The following POLQ variants were observed in gnomAD, a reference collection of about 807,000 sequenced individuals.
POLQ encodes DNA polymerase theta, also known as epididymis secretory sperm binding protein.
A neutral mutation model predicts 259.2 loss-of-function variants in POLQ; 233 were observed. That is an observed-to-expected ratio of 0.90 (90% CI 0.81 to 1.00). POLQ has a LOEUF of 1.00. Among genes scored for constraint, POLQ ranks in the 50% least tolerant of loss-of-function variants. The pLI, the probability that POLQ is intolerant of heterozygous loss-of-function variation, is 0.00. For synonymous variants in POLQ, 1,025 were observed against 1,048.8 expected (o/e 0.98, Z 0.44); for missense variants, 2,871 against 3,051.6 (o/e 0.94, Z 1.39).
intron 20 of POLQ, among the ~76,000 whole-genome samples, chr3:121,474,072 G>A (rs559601566): frequency 6.6e-6 from 1 of 152,274 alleles, no homozygotes; most frequent in South Asian, 2.1e-4. Context: ...ACACTGTGCT[G>A]AGCAACTGGC....
At chr3:121,498,265 G>A (rs1044070660) in intron 13 of POLQ, among the ~76,000 whole-genome samples, 2 of 151,736 alleles carry the variant, frequency 1.3e-5, no homozygotes, top group African/African-American at 4.8e-5. Context: ...AGCTGAGATC[G>A]CGCTATTGCA....
At chr3:121,507,838 G>A (rs1194391386) in intron 12 of POLQ, among the ~76,000 whole-genome samples, 3 of 151,962 alleles carry the variant, frequency 2.0e-5, no homozygotes, top group Admixed American at 6.6e-5. Context: ...AGAGCTTTCA[G>A]TTATCTCACT....
intron 21 of POLQ, among the ~76,000 whole-genome samples, chr3:121,472,611 A>T (rs1272800074): frequency 6.6e-6 from 1 of 152,188 alleles, no homozygotes; most frequent in Non-Finnish European, 1.5e-5. Context: ...TGAATTTTTC[A>T]TACTATAGAC....
chr3:121,533,885 A>G (rs1214384896), intron 5 of POLQ, among the ~76,000 whole-genome samples: 1 of 148,592 alleles, frequency 6.7e-6, no homozygotes, highest in Non-Finnish European at 1.5e-5. Context: ...CTTCATGTGT[A>G]TGAACCATGT....
chr3:121,540,896 A>ATTT (rs59706476), intron 3 of POLQ, among the ~76,000 whole-genome samples: 2 of 146,508 alleles, frequency 1.4e-5, no homozygotes, highest in Admixed American at 6.8e-5. Flanking sequence ...AATTTTTTTA[A>ATTT]TTTTTTTTTT....
At chr3:121,513,999 G>T (rs1270430472) in intron 9 of POLQ, among the ~76,000 whole-genome samples, 1 of 128,608 alleles carries the variant, frequency 7.8e-6, no homozygotes, top group Non-Finnish European at 1.6e-5. Context: ...TCCAGCCTGG[G>T]CAACAAGAGT....
chr3:121,481,873 T>C, intron 18 of POLQ, 61 bp from the exon 19 acceptor site: 1 of 1,444,866 alleles, frequency 6.9e-7, no homozygotes, highest in Non-Finnish European at 9.3e-7. Flanking sequence ...TATGTACCTC[T>C]AAATGAAAAG....
intron 1 of POLQ, 87 bp downstream of exon 1, chr3:121,545,628 C>T (rs2048526863): frequency 2.3e-6 from 3 of 1,300,846 alleles, no homozygotes; most frequent in Admixed American, 2.5e-5. Flanking sequence ...TGCAACGAAG[C>T]AAGTCCCGTG....
intron 27 of POLQ, 50 bp from the exon 28 acceptor site, chr3:121,436,325 C>A: frequency 6.3e-7 from 1 of 1,590,480 alleles, no homozygotes; most frequent in South Asian, 1.1e-5. Context: ...AACATGGTTT[C>A]ATACTTTCCT....
chr3:121,456,530 CAA>C lies in POLQ; in HGVS notation c.7152+3518_7152+3519del, dbSNP rs1332752475. Among the ~76,000 whole-genome samples, 21 of 152,166 alleles carry C rather than the reference CAA, an allele frequency of 1.4e-4. 1 individual carries two copies. Among genetic ancestry groups the C allele is most frequent in the Admixed American group, 1.4e-3 (21 of 15,272 alleles). Reference sequence around the variant, plus strand: ...TCCTTAAGCTCATGAGCAACTTCAGCAAAGTCTCAGGATACAAAATCAATGTA... The same window carrying C: ...TCCTTAAGCTCATGAGCAACTTCAGCAGTCTCAGGATACAAAATCAATGTA... On this transcript the variant is annotated intron_variant, in intron 25 of 29. Transcript: ENST00000264233.
chr3:121,455,953 C>T (rs1300212828), intron 25 of POLQ, among the ~76,000 whole-genome samples: 1 of 152,146 alleles, frequency 6.6e-6, no homozygotes, highest in Admixed American at 6.5e-5. Context: ...AGTCCAAAGT[C>T]CTTGATGAAC....
At chr3:121,499,992 A>G (rs886540124) in intron 12 of POLQ, among the ~76,000 whole-genome samples, 1 of 152,240 alleles carries the variant, frequency 6.6e-6, no homozygotes, top group Non-Finnish European at 1.5e-5. Flanking sequence ...TTAAAAGTAC[A>G]ATAACTGGCC....
Position 121,533,095 on chromosome 3 carries a change from G to C in POLQ, c.855C>G (p.Thr285=), listed in dbSNP as rs556803867. 1.9e-6 allele frequency: 3 copies of C among 1,613,702 alleles called. No individual in the cohort carries two copies. Among genetic ancestry groups the C allele is most frequent in the African/African-American group, 1.3e-5 (1 of 74,904 alleles). Residue 285 remains threonine (T), a synonymous_variant, in exon 6 of 30, where the codon ACC becomes ACG. Coordinates refer to ENST00000264233, the MANE Select transcript of POLQ (RefSeq NM_199420.4). ...CCAAAAGCGGTACAGGGCGAAAGTCGGTATGGTAGAGTTCAGCATTCAACC... is the reference window on the plus strand; with the variant it reads ...CCAAAAGCGGTACAGGGCGAAAGTCCGTATGGTAGAGTTCAGCATTCAACC... The part of the protein sequence containing the change: ...ASWLNAELYH[T]DFRPVPLLES...
chr3:121,445,181 T>G (rs183878186), intron 26 of POLQ, among the ~76,000 whole-genome samples: 1 of 152,310 alleles, frequency 6.6e-6, no homozygotes, highest in Admixed American at 6.5e-5. Flanking sequence ...TCAGTAGGAT[T>G]GGTATTAGTT....
chr3:121,470,063 G>C (rs942761839), intron 22 of POLQ, among the ~76,000 whole-genome samples: 7 of 152,134 alleles, frequency 4.6e-5, no homozygotes, highest in Non-Finnish European at 1.0e-4. Flanking sequence ...CCAGCACTTT[G>C]GGAGGCTGAG....
In POLQ at chr3:121,522,018, C is replaced by T. The variant is rs758443447; in HGVS notation, c.1240G>A (p.Ala414Thr). 1.2e-5 allele frequency: 19 copies of T among 1,572,580 alleles called. No homozygotes were observed. Among genetic ancestry groups the T allele is most frequent in the Non-Finnish European group, 1.5e-5 (17 of 1,164,598 alleles). Residue 414 changes from alanine to threonine, a missense_variant, in exon 8 of 30, where the codon GCA becomes ACA. Transcript: ENST00000264233. ...TATGAAATACCTGCATGATGAAATG[C>T]TACTCCCCATGGTACAGTTTTCTGT... ...VLQKTVPWGV[A>T]FHHAGLTFEE... is the part of the protein sequence containing the mutation.
At chr3:121,446,830 A>G (rs74767857) in intron 26 of POLQ, among the ~76,000 whole-genome samples, 8,166 of 151,964 alleles carry the variant, frequency 0.054, 296 homozygotes, top group East Asian at 0.13. Context: ...TTCAGTCTAT[A>G]TCTTTAGAGG....
intron 6 of POLQ, 107 bp from the exon 7 acceptor site, chr3:121,529,899 G>T (rs1177035488): frequency 1.4e-6 from 1 of 739,474 alleles, no homozygotes; most frequent in Non-Finnish European, 2.1e-6. Flanking sequence ...CTTCTTTAAG[G>T]CATAATGAAA....
intron 25 of POLQ, among the ~76,000 whole-genome samples, chr3:121,455,693 G>GA (rs1489278929): frequency 6.6e-6 from 1 of 152,148 alleles, no homozygotes; most frequent in Non-Finnish European, 1.5e-5. Flanking sequence ...GGAAGAAGTT[G>GA]AATCTCTGAA....
Sources: gnomAD v4.1 joint callset for allele counts (sites outside exome capture counted in the v4.1 genomes callset) on GRCh38, gnomAD v4.1.1 for gene constraint, MANE v1.5 for transcripts, NCBI Gene and HGNC (gene_info 2026-07-23, HGNC 2026-07-21) for gene names.